CNTNAP2: variants seen among roughly 807,000 people sequenced by gnomAD.
The protein encoded by CNTNAP2 is contactin associated protein 2.
A neutral mutation model predicts 155.2 loss-of-function variants in CNTNAP2; 98 were observed. That is an observed-to-expected ratio of 0.63 (90% CI 0.54 to 0.75). CNTNAP2 has a LOEUF of 0.75. Ranked by LOEUF, CNTNAP2 falls within the 30% of genes least tolerant of loss-of-function variation. The probability of loss-of-function intolerance (pLI) is 0.00; values close to 1 mark genes in which losing one functional copy is unlikely to be tolerated. For synonymous variants in CNTNAP2, 651 were observed against 631.2 expected, an observed-to-expected ratio of 1.03 and a Z score of -0.47; for missense variants, 1,727 against 1,688.1, an observed-to-expected ratio of 1.02 and a Z score of -0.40.
intron 1 of CNTNAP2, among the ~76,000 whole-genome samples, chr7:146,309,737 G>A (rs1010854487): frequency 4.6e-5 from 7 of 151,778 alleles, no homozygotes; most frequent in African/African-American, 1.5e-4. Context: ...GGAGGCGGAG[G>A]TTGCAGTGAG....
chr7:146,265,315 C>A (rs537153049), intron 1 of CNTNAP2, among the ~76,000 whole-genome samples: 1 of 152,128 alleles, frequency 6.6e-6, no homozygotes, highest in South Asian at 2.1e-4. Flanking sequence ...TATAAAGATG[C>A]AATTTTAAAT....
chr7:146,895,486 A>G (rs1283293284), intron 3 of CNTNAP2, among the ~76,000 whole-genome samples: 1 of 152,152 alleles, frequency 6.6e-6, no homozygotes. Flanking sequence ...TGTGAGTACA[A>G]TAAAATCTCA....
chr7:147,623,845 C>A (rs1262124912), intron 12 of CNTNAP2, among the ~76,000 whole-genome samples: 3 of 152,014 alleles, frequency 2.0e-5, no homozygotes, highest in African/African-American at 7.2e-5. Flanking sequence ...GGAGGAATCA[C>A]ATTACCTAAC....
At chr7:147,398,514 T>G (rs977078897) in intron 10 of CNTNAP2, among the ~76,000 whole-genome samples, 1 of 151,142 alleles carries the variant, frequency 6.6e-6, no homozygotes, top group Admixed American at 6.6e-5. Flanking sequence ...AATGATTTGA[T>G]GAGTAGAACT....
At chr7:148,117,428 C>A (rs370022532) in intron 15 of CNTNAP2, among the ~76,000 whole-genome samples, 2 of 152,308 alleles carry the variant, frequency 1.3e-5, no homozygotes, top group East Asian at 3.9e-4. Flanking sequence ...TGCCTCGTTC[C>A]CGGCTCCTCA....
At chr7:146,628,153 T>G (rs1026873491) in intron 1 of CNTNAP2, among the ~76,000 whole-genome samples, 25 of 152,280 alleles carry the variant, frequency 1.6e-4, no homozygotes, top group African/African-American at 5.8e-4. Flanking sequence ...TAGACTGAAA[T>G]GAGCTTTAGA....
chr7:147,870,256 G>C (rs1799304504), intron 13 of CNTNAP2, among the ~76,000 whole-genome samples: 1 of 152,152 alleles, frequency 6.6e-6, no homozygotes, highest in Non-Finnish European at 1.5e-5. Context: ...CCCTATGGAG[G>C]AAAGAGGGAA....
At chr7:146,694,708 T>C (rs1017049162) in intron 1 of CNTNAP2, among the ~76,000 whole-genome samples, 1 of 152,172 alleles carries the variant, frequency 6.6e-6, no homozygotes, top group African/African-American at 2.4e-5. Context: ...TTTAACAATA[T>C]TGAGTCTTTC....
rs186432408 is a variant in CNTNAP2 at position 147,404,384 on chromosome 7, A to G, written c.1670+8604A>G. On this transcript the variant is annotated intron_variant, in intron 10 of 23. Coordinates refer to ENST00000361727, the MANE Select transcript of CNTNAP2 (RefSeq NM_014141.6). Reference sequence around the variant, plus strand: ...TCTTGCGTCCTAAAACCTAATCCCCAACTTAAACATATAGAAAAACGTCAG... The same window carrying G: ...TCTTGCGTCCTAAAACCTAATCCCCGACTTAAACATATAGAAAAACGTCAG... Among the ~76,000 whole-genome samples the G allele has an allele frequency of 5.3e-5, 8 of 152,308 alleles. No homozygotes were observed. The East Asian group carries it at 1.5e-3, about 29-fold the overall frequency.
intron 12 of CNTNAP2, among the ~76,000 whole-genome samples, chr7:147,563,529 TAAGGCA>T (rs1210121016): frequency 5.9e-5 from 9 of 152,048 alleles, no homozygotes; most frequent in African/African-American, 2.2e-4. Context: ...CTCAGGAGGC[TAAGGCA>T]GGAGAATCAC....
At chr7:147,760,587 A>C (rs1328274321) in intron 13 of CNTNAP2, among the ~76,000 whole-genome samples, 1 of 152,190 alleles carries the variant, frequency 6.6e-6, no homozygotes, top group Non-Finnish European at 1.5e-5. Flanking sequence ...CAACTGTTTC[A>C]GTTTCATGTC....
At chr7:146,403,617 GT>G (rs539527437) in intron 1 of CNTNAP2, among the ~76,000 whole-genome samples, 12 of 152,136 alleles carry the variant, frequency 7.9e-5, no homozygotes, top group Non-Finnish European at 1.3e-4. Context: ...GAAAACAAAT[GT>G]TACCTTAAAA....
intron 1 of CNTNAP2, among the ~76,000 whole-genome samples, chr7:146,518,338 GAAGAAT>G (rs1563116546): frequency 6.6e-6 from 1 of 151,474 alleles, no homozygotes; most frequent in East Asian, 1.9e-4. Context: ...ATTAAACTCC[GAAGAAT>G]AAGAATAACT....
chr7:147,797,396 A>G (rs535323916), intron 13 of CNTNAP2, among the ~76,000 whole-genome samples: 3 of 152,132 alleles, frequency 2.0e-5, no homozygotes, highest in South Asian at 4.1e-4. Context: ...CTTATTGACC[A>G]TCAATGAAAA....
chr7:148,021,895 C>T (rs1802285500), intron 15 of CNTNAP2, among the ~76,000 whole-genome samples: 1 of 152,180 alleles, frequency 6.6e-6, no homozygotes, highest in African/African-American at 2.4e-5. Context: ...TATACCTGCT[C>T]CACCTTTCCC....
chr7:146,859,432 G>A (rs1418793066), intron 3 of CNTNAP2, among the ~76,000 whole-genome samples: 1 of 152,098 alleles, frequency 6.6e-6, no homozygotes, highest in African/African-American at 2.4e-5. Flanking sequence ...CAAGGCGGTT[G>A]GATCACCTGA....
chr7:148,204,499 G>A (rs1342981333), intron 18 of CNTNAP2, among the ~76,000 whole-genome samples: 1 of 152,340 alleles, frequency 6.6e-6, no homozygotes, highest in African/African-American at 2.4e-5. Flanking sequence ...ACTTTGAAAT[G>A]TGGCTTTTTA....
At chr7:147,850,097 C>G (rs1354297732) in intron 13 of CNTNAP2, 1 of 152,158 alleles carries the variant, frequency 6.6e-6, no homozygotes, top group Non-Finnish European at 1.5e-5. Flanking sequence ...CAAGATTAAC[C>G]TTTACTTGAG....
At chr7:146,517,456 A>T (rs2129136694) in intron 1 of CNTNAP2, among the ~76,000 whole-genome samples, 1 of 152,074 alleles carries the variant, frequency 6.6e-6, no homozygotes. Context: ...AGCACAATAA[A>T]ATATAAAGTG....
Sources: gnomAD v4.1 joint callset for allele counts (sites outside exome capture counted in the v4.1 genomes callset) on GRCh38, gnomAD v4.1.1 for gene constraint, MANE v1.5 for transcripts, NCBI Gene and HGNC (gene_info 2026-07-23, HGNC 2026-07-21) for gene names.